Variants in ALDH9A1 observed in about 807,000 individuals in gnomAD.
ALDH9A1 encodes aldehyde dehydrogenase 9 family member A1.
In ALDH9A1, 42 loss-of-function variants were observed where a neutral mutation model predicts 56.6. The ratio of observed to expected loss-of-function variants is 0.74; its 90% CI spans 0.58 to 0.96. ALDH9A1 has a LOEUF of 0.96. Among genes scored for constraint, ALDH9A1 ranks in the 40% least tolerant of loss-of-function variants. The pLI is 0.00. For missense variants in ALDH9A1, 661 were observed against 651.5 expected (o/e 1.01, Z -0.16); for synonymous variants, 242 against 236.0 (o/e 1.03, Z -0.23).
intron 5 of ALDH9A1, among the ~76,000 whole-genome samples, chr1:165,680,200 C>T (rs1198710361): frequency 1.3e-5 from 2 of 148,858 alleles, no homozygotes; most frequent in Non-Finnish European, 3.0e-5. Flanking sequence ...CTAAACAATA[C>T]AAGTGGCAGC....
At chr1:165,666,161 T>C (rs1344303754) in intron 9 of ALDH9A1, among the ~76,000 whole-genome samples, 1 of 152,158 alleles carries the variant, frequency 6.6e-6, no homozygotes, top group Non-Finnish European at 1.5e-5. Flanking sequence ...GAATATATAC[T>C]GTATGATTCC....
At chr1:165,668,234 T>C (rs1245121226) in intron 8 of ALDH9A1, among the ~76,000 whole-genome samples, 1 of 152,232 alleles carries the variant, frequency 6.6e-6, no homozygotes, top group Non-Finnish European at 1.5e-5. Flanking sequence ...TGTTGAAGTA[T>C]GATCCCCATT....
chr1:165,671,981 T>C (rs990480330), intron 6 of ALDH9A1, among the ~76,000 whole-genome samples: 1 of 152,178 alleles, frequency 6.6e-6, no homozygotes, highest in African/African-American at 2.4e-5. Flanking sequence ...GGCAAGGATG[T>C]AGAGAAATTG....
intron 5 of ALDH9A1, among the ~76,000 whole-genome samples, chr1:165,679,971 C>A (rs1649491306): frequency 6.6e-6 from 1 of 151,740 alleles, no homozygotes; most frequent in Non-Finnish European, 1.5e-5. Flanking sequence ...TGTGACTACA[C>A]CACTATAATC....
intron 1 of ALDH9A1, among the ~76,000 whole-genome samples, chr1:165,697,951 C>A (rs968447198): frequency 6.6e-6 from 1 of 152,116 alleles, no homozygotes; most frequent in Non-Finnish European, 1.5e-5. Flanking sequence ...AGCACTTGAG[C>A]CCGTAAGGTA....
At chr1:165,691,553 G>C (rs1425129921) in intron 2 of ALDH9A1, among the ~76,000 whole-genome samples, 1 of 152,220 alleles carries the variant, frequency 6.6e-6, no homozygotes, top group Non-Finnish European at 1.5e-5. Flanking sequence ...AGTGACAGAA[G>C]TAAGCTTCAG....
chr1:165,673,654 G>GA (rs1649252869), intron 6 of ALDH9A1, among the ~76,000 whole-genome samples: 1 of 152,258 alleles, frequency 6.6e-6, no homozygotes, highest in Admixed American at 6.5e-5. Context: ...CCCTCACCCT[G>GA]ACGCTTTCTG....
In ALDH9A1 at chr1:165,698,531, G is replaced by C. The variant is rs553544304; in HGVS notation, c.28C>G (p.Leu10Val). 2.5e-6 allele frequency: 4 copies of C among 1,609,916 alleles called. No homozygotes were observed. In the South Asian group the frequency reaches 3.3e-5, roughly 13 times the overall value. The change falls in exon 1 of 11, where the codon CTC becomes GTC. Residue 10 changes from leucine (L) to valine (V), a missense_variant. Physicochemically the swap from Leu to Val is conservative, Grantham distance 32. Coordinates refer to ENST00000354775, the MANE Select transcript of ALDH9A1 (RefSeq NM_000696.4). Reference sequence around the variant, plus strand: ...CGAAGACTGCGAAGAAGCGGGGAGAGCGCGGCCAGGCCTGCTCGGAGAAAC... The same window carrying C: ...CGAAGACTGCGAAGAAGCGGGGAGACCGCGGCCAGGCCTGCTCGGAGAAAC... MFLRAGLAALSPLLRSLRPS... is the reference protein window; with the variant it reads MFLRAGLAAVSPLLRSLRPS...
chr1:165,670,942 G>A (rs942225422), intron 6 of ALDH9A1, among the ~76,000 whole-genome samples: 1 of 139,474 alleles, frequency 7.2e-6, no homozygotes, highest in African/African-American at 2.6e-5. Flanking sequence ...GTGTGGTGGT[G>A]CACACCTATA....
chr1:165,697,722 C>A (rs1237855876), intron 1 of ALDH9A1, among the ~76,000 whole-genome samples: 2 of 152,118 alleles, frequency 1.3e-5, no homozygotes, highest in Admixed American at 6.5e-5. Context: ...ATACATCAGT[C>A]CTGGTTTTAA....
intron 6 of ALDH9A1, among the ~76,000 whole-genome samples, chr1:165,675,703 C>T (rs563992361): frequency 6.2e-4 from 95 of 152,172 alleles, no homozygotes; most frequent in African/African-American, 2.3e-3. Context: ...AAATAAAACC[C>T]AAATGAATAC....
At chr1:165,695,963 T>G (rs1158266222) in intron 1 of ALDH9A1, among the ~76,000 whole-genome samples, 1 of 152,128 alleles carries the variant, frequency 6.6e-6, no homozygotes. Flanking sequence ...GCAATTCTCC[T>G]GCCTCAGCCT....
At chr1:165,686,657 G>A (rs1333820286) in intron 2 of ALDH9A1, among the ~76,000 whole-genome samples, 1 of 152,076 alleles carries the variant, frequency 6.6e-6, no homozygotes, top group Non-Finnish European at 1.5e-5. Flanking sequence ...GAAATTTGCT[G>A]ATCTAAAAGC....
chr1:165,685,655 G>A (rs761413171), intron 2 of ALDH9A1, among the ~76,000 whole-genome samples: 8 of 152,196 alleles, frequency 5.3e-5, no homozygotes, highest in Non-Finnish European at 8.8e-5. Flanking sequence ...AGGACCAGTA[G>A]TGCAGGAGAG....
chr1:165,691,891 C>A (rs1053924604), intron 2 of ALDH9A1, among the ~76,000 whole-genome samples: 23 of 152,294 alleles, frequency 1.5e-4, no homozygotes, highest in African/African-American at 5.5e-4. Flanking sequence ...TTGGCTTCAT[C>A]CCTGGGATGC....
intron 2 of ALDH9A1, among the ~76,000 whole-genome samples, chr1:165,689,080 C>T (rs1007713766): frequency 2.0e-5 from 3 of 152,044 alleles, no homozygotes; most frequent in Non-Finnish European, 2.9e-5. Context: ...CTTAACAGCC[C>T]TACAATGCTG....
intron 2 of ALDH9A1, among the ~76,000 whole-genome samples, chr1:165,688,506 C>CT (rs1039126986): frequency 1.1e-4 from 17 of 152,128 alleles, no homozygotes; most frequent in African/African-American, 2.7e-4. Context: ...TACAGCAATA[C>CT]TTTTTTTTAA....
chr1:165,665,369 A>C (rs1648976613), intron 9 of ALDH9A1, among the ~76,000 whole-genome samples: 1 of 152,230 alleles, frequency 6.6e-6, no homozygotes, highest in South Asian at 2.1e-4. Flanking sequence ...TCAATGGAGG[A>C]AAAACAGTCT....
intron 10 of ALDH9A1, among the ~76,000 whole-genome samples, chr1:165,664,385 T>C (rs1648940324): frequency 6.6e-6 from 1 of 152,228 alleles, no homozygotes; most frequent in African/African-American, 2.4e-5. Flanking sequence ...GCTATACTCC[T>C]GATGCCTCAA....
Sources: allele counts gnomAD v4.1 joint callset (sites outside exome capture counted in the v4.1 genomes callset), GRCh38; gene constraint gnomAD v4.1.1; transcripts MANE v1.5; gene names NCBI Gene and HGNC (gene_info 2026-07-23, HGNC 2026-07-21).